The following PTPRD variants were observed in gnomAD, a reference collection of about 807,000 sequenced individuals.
PTPRD encodes receptor-type tyrosine-protein phosphatase delta.
In PTPRD, 34 loss-of-function variants were observed where a neutral mutation model predicts 214.5. The ratio of observed to expected loss-of-function variants is 0.16; its 90% CI spans 0.12 to 0.21. The LOEUF is 0.21. Ranked by LOEUF, PTPRD falls within the 10% of genes least tolerant of loss-of-function variation. The pLI is 1.00. For synonymous variants in PTPRD, 1,128 were observed against 845.7 expected (o/e 1.33, Z -5.79); for missense variants, 2,545 against 2,398.7 (o/e 1.06, Z -1.27).
intron 37 of PTPRD, among the ~76,000 whole-genome samples, chr9:8,377,615 A>C (rs1452109748): frequency 6.6e-6 from 1 of 152,054 alleles, no homozygotes; most frequent in African/African-American, 2.4e-5. Context: ...ACTTTTTTTT[A>C]ATGGGACTAA....
chr9:8,848,804 T>C (rs563847034), intron 11 of PTPRD, among the ~76,000 whole-genome samples: 3 of 125,778 alleles, frequency 2.4e-5, no homozygotes, highest in Non-Finnish European at 5.4e-5. Flanking sequence ...CTTTTATCTA[T>C]GCAACCTTGG....
At chr9:9,900,617 C>T (rs1323043484) in intron 5 of PTPRD, among the ~76,000 whole-genome samples, 1 of 144,108 alleles carries the variant, frequency 6.9e-6, no homozygotes, top group Admixed American at 6.9e-5. Context: ...TTACCCAGTT[C>T]CAAAGGTGCT....
chr9:9,427,825 G>A (rs934117067), intron 8 of PTPRD, among the ~76,000 whole-genome samples: 2 of 152,246 alleles, frequency 1.3e-5, no homozygotes, highest in South Asian at 2.1e-4. Context: ...CTTCATACGT[G>A]AAAGAGAAAT....
intron 10 of PTPRD, among the ~76,000 whole-genome samples, chr9:9,029,064 A>G (rs1264563589): frequency 6.6e-6 from 1 of 151,890 alleles, no homozygotes. Context: ...AGTATGAAAA[A>G]TAATATGAAA....
chr9:9,894,366 G>T (rs950997669), intron 5 of PTPRD, among the ~76,000 whole-genome samples: 15 of 152,024 alleles, frequency 9.9e-5, no homozygotes, highest in Non-Finnish European at 2.2e-4. Context: ...TGAAGGCCCT[G>T]TGTGATCTTT....
At chr9:9,918,590 G>A (rs778863306) in intron 5 of PTPRD, among the ~76,000 whole-genome samples, 1 of 151,956 alleles carries the variant, frequency 6.6e-6, no homozygotes, top group East Asian at 1.9e-4. Flanking sequence ...ACTTCAAGTA[G>A]CCAAAGCCAT....
chr9:8,536,723 A>G (rs185353084), intron 14 of PTPRD, among the ~76,000 whole-genome samples: 1 of 152,156 alleles, frequency 6.6e-6, no homozygotes, highest in East Asian at 1.9e-4. Context: ...ACCAAAAGTC[A>G]GTACAGAGAC....
intron 4 of PTPRD, among the ~76,000 whole-genome samples, chr9:9,989,692 A>C (rs2095846944): frequency 6.6e-6 from 1 of 152,150 alleles, no homozygotes; most frequent in African/African-American, 2.4e-5. Flanking sequence ...TTGACTCTCC[A>C]CTGAACTGTT....
chr9:9,512,736 T>C (rs990419687), intron 8 of PTPRD, among the ~76,000 whole-genome samples: 2 of 151,724 alleles, frequency 1.3e-5, no homozygotes. Context: ...TATCAACATA[T>C]CTGTGGCCAC....
At chr9:8,693,077 G>C (rs992095644) in intron 12 of PTPRD, among the ~76,000 whole-genome samples, 3 of 152,178 alleles carry the variant, frequency 2.0e-5, no homozygotes, top group Admixed American at 1.3e-4. Context: ...CTCTATGATT[G>C]TTAGGCCTAT....
chr9:10,506,572 C>T lies in PTPRD; in HGVS notation c.-600+105826G>A, dbSNP rs73394369. ...ATTATTATGCATTGTATACCTATAT[C>T]TCATGTACCATATAAATATACACAC... On this transcript the variant is annotated intron_variant, in intron 2 of 45. Coordinates refer to ENST00000381196, the MANE Select transcript of PTPRD (RefSeq NM_002839.4). Among the ~76,000 whole-genome samples the T allele has an allele frequency of 7.7e-3, 1,172 of 152,156 alleles. 19 individuals carry two copies. Among genetic ancestry groups the T allele is most frequent in the African/African-American group, 0.027 (1,122 of 41,520 alleles).
At chr9:9,508,206 G>C (rs946686565) in intron 8 of PTPRD, among the ~76,000 whole-genome samples, 4 of 151,408 alleles carry the variant, frequency 2.6e-5, no homozygotes, top group African/African-American at 9.7e-5. Flanking sequence ...TTTTTGTAAA[G>C]ATAATTTTTA....
chr9:8,376,611 T>C lies in PTPRD; in HGVS notation c.4502A>G (p.Tyr1501Cys). ...AGAAAAAGATGAAAAGCAAACCTTG[T>C]AAAGTGCAAATGTTCGAACACAATA... Reference protein sequence around the residue: ...ATYCVRTFALYKNGSSEKREV... With the variant: ...ATYCVRTFALCKNGSSEKREV... Residue 1501 changes from tyrosine to cysteine, a missense_variant, in exon 38 of 46, where the codon TAC becomes TGC. Coordinates refer to ENST00000381196, the MANE Select transcript of PTPRD (RefSeq NM_002839.4). 2 of 1,612,818 alleles carry C rather than the reference T, an allele frequency of 1.2e-6. No individual in the cohort carries two copies. Among genetic ancestry groups the C allele is most frequent in the South Asian group, 2.2e-5 (2 of 91,060 alleles).
rs755341478 is a variant in PTPRD at position 8,521,377 on chromosome 9, A to G, written c.861T>C (p.Asn287=). Residue 287 remains asparagine (N), a synonymous_variant, in exon 20 of 46, where the codon AAT becomes AAC. Transcript: ENST00000381196. ...GTCTTACATCATTCAGTTCTAGCAC[A>G]TTTCTTCCTATTGGCATATCATCTT... ...TPEDDMPIGR[N]VLELNDVRQS... 5.6e-6 allele frequency: 9 copies of G among 1,613,924 alleles called. No homozygotes were observed. The highest frequency in any genetic ancestry group is 7.6e-6 in the Non-Finnish European group (9 of 1,179,924).
intron 9 of PTPRD, among the ~76,000 whole-genome samples, chr9:9,228,859 C>A (rs1336547145): frequency 6.6e-6 from 1 of 152,040 alleles, no homozygotes; most frequent in Non-Finnish European, 1.5e-5. Context: ...ATTGAAAAGG[C>A]AGAATTCTAA....
At chr9:8,555,393 A>G (rs906979676) in intron 14 of PTPRD, among the ~76,000 whole-genome samples, 3 of 152,340 alleles carry the variant, frequency 2.0e-5, no homozygotes, top group Middle Eastern at 3.4e-3. Flanking sequence ...GGCAACAGAG[A>G]AAAAACCAAA....
At position 8,314,573 on chromosome 9, in the gene PTPRD, T is replaced by C. The variant is rs978994758; in HGVS notation, c.*3301A>G. On this transcript the variant is annotated 3_prime_UTR_variant, in exon 46 of 46. Transcript: ENST00000381196. ...ATAACGGATGGATAGAATGGATCTG[T>C]AGCCTTCTGATCTCTGCTGGAGTAT... is the stretch of plus-strand genomic sequence containing the variant. The C allele has an allele frequency of 7.3e-5, 17 of 232,112 alleles. No homozygotes were observed. Among genetic ancestry groups the C allele is most frequent in the Non-Finnish European group, 1.5e-4 (17 of 117,222 alleles). 14.4% of individuals were successfully genotyped at this position (232,112 alleles called of 1,614,324 possible).
chr9:9,627,976 T>G (rs2095474531), intron 7 of PTPRD, among the ~76,000 whole-genome samples: 1 of 151,726 alleles, frequency 6.6e-6, no homozygotes, highest in Non-Finnish European at 1.5e-5. Flanking sequence ...CATCAATGTA[T>G]TCAAGAAAGT....
chr9:9,259,442 T>C (rs2099979135), intron 9 of PTPRD, among the ~76,000 whole-genome samples: 1 of 151,910 alleles, frequency 6.6e-6, no homozygotes, highest in African/African-American at 2.4e-5. Flanking sequence ...TCTCCACCAA[T>C]GAATGTATAC....
Sources: allele counts gnomAD v4.1 joint callset (sites outside exome capture counted in the v4.1 genomes callset), GRCh38; gene constraint gnomAD v4.1.1; transcripts MANE v1.5; gene names NCBI Gene and HGNC (gene_info 2026-07-23, HGNC 2026-07-21).